Variants in CDC20B observed in about 807,000 individuals in gnomAD.
The protein encoded by CDC20B is cell division cycle protein 20 homolog B.
A neutral mutation model predicts 64.1 loss-of-function variants in CDC20B; 58 were observed. That is an observed-to-expected ratio of 0.90 (90% confidence interval 0.73 to 1.13). The LOEUF is 1.13. Ranked by LOEUF, CDC20B falls within the 50% of genes most tolerant of loss-of-function variation. CDC20B has a pLI of 0.00. For missense variants in CDC20B, 597 were observed against 633.0 expected, an observed-to-expected ratio of 0.94 and a Z score of 0.61; for synonymous variants, 243 against 230.6, an observed-to-expected ratio of 1.05 and a Z score of -0.49.
chr5:55,162,221 C>A (rs550564541), intron 2 of CDC20B, among the ~76,000 whole-genome samples: 1 of 151,852 alleles, frequency 6.6e-6, no homozygotes, highest in South Asian at 2.1e-4. Flanking sequence ...TATGGTGAAA[C>A]CCCATCTCTA....
At chr5:55,144,142 C>G (rs1047293630) in intron 3 of CDC20B, among the ~76,000 whole-genome samples, 1 of 152,188 alleles carries the variant, frequency 6.6e-6, no homozygotes, top group Admixed American at 6.5e-5. Flanking sequence ...GCTTTGCCAG[C>G]ATTGACATTC....
chr5:55,124,426 G>T (rs779419262), intron 9 of CDC20B, among the ~76,000 whole-genome samples: 5 of 152,110 alleles, frequency 3.3e-5, no homozygotes, highest in Non-Finnish European at 7.4e-5. Context: ...AAGTCTGAAG[G>T]AAGAATGAAA....
chr5:55,172,994 A>G lies in CDC20B; in HGVS notation c.7T>C (p.Trp3Arg), dbSNP rs775546506. 3 of 1,610,256 alleles carry G rather than the reference A, an allele frequency of 1.9e-6. No individual in the cohort carries two copies. The South Asian group carries it at 3.3e-5, about 18-fold the overall frequency. ...CGAGGCGCGGTGCGCTCCAGTTTCC[A>G]CTCCATCTCCGGCTGACTTCGCCCT... ME[W>R]KLERTAPRRV... Residue 3 changes from tryptophan to arginine, a missense_variant, in exon 1 of 12, where the codon TGG (tryptophan) becomes CGG (arginine). Trp to Arg is a moderately radical substitution (Grantham distance 101, BLOSUM62 -3). This residue lies in a region of CDC20B where 241 missense variants were observed against 219.2 expected (regional missense o/e 1.10). Transcript: ENST00000381375.
chr5:55,114,223 A>G lies in CDC20B; in HGVS notation c.1555T>C (p.Tyr519His), dbSNP rs1376701605. The stretch of plus-strand genomic sequence containing the variant: ...AAACCTAGAGGGGCTGGGTGCTAGT[A>G]GCAATTCCATACAGAGGCCGTCCCA... ...ADGTASVWNC[Y>H] The change falls in exon 12 of 12, where the codon TAC becomes CAC. Residue 519 changes from tyrosine (Y) to histidine (H), a missense_variant. Coordinates refer to ENST00000381375, the MANE Select transcript of CDC20B (RefSeq NM_001170402.1). This position sits in a 1 kb window ranked among gnomAD's most constrained non-coding sequence, Gnocchi z 4.1. The G allele has an allele frequency of 6.2e-7, 1 of 1,613,466 alleles. No individual in the cohort carries two copies. The highest frequency in any genetic ancestry group is 8.5e-7 in the Non-Finnish European group (1 of 1,179,704).
intron 11 of CDC20B, among the ~76,000 whole-genome samples, chr5:55,118,734 A>C (rs993910614): frequency 2.0e-5 from 3 of 152,206 alleles, no homozygotes; most frequent in Non-Finnish European, 2.9e-5. Context: ...AGTTCCCTGT[A>C]TTCTGATCCA....
At chr5:55,160,236 G>C (rs370409177) in intron 2 of CDC20B, 5 of 1,614,020 alleles carry the variant, frequency 3.1e-6, no homozygotes, top group African/African-American at 2.7e-5. Context: ...TCCGGGCCCA[G>C]AGCAAAGGTA....
intron 2 of CDC20B, among the ~76,000 whole-genome samples, chr5:55,153,593 G>A (rs937973790): frequency 1.6e-5 from 2 of 125,754 alleles, no homozygotes; most frequent in Admixed American, 1.7e-4. Flanking sequence ...ACGTTAGCCT[G>A]AATAAATCCC....
In CDC20B at chr5:55,114,532, T is replaced by A. The variant is rs370604635; in HGVS notation, c.1460-214A>T. ...TTTTCTCCCTCAGTGCTCTTGCCCCTGTATCAGTGTCCTGTGGCTGCCATA... is the reference window on the plus strand; with the variant it reads ...TTTTCTCCCTCAGTGCTCTTGCCCCAGTATCAGTGTCCTGTGGCTGCCATA... On this transcript the variant is annotated intron_variant, in intron 11 of 11. Coordinates refer to ENST00000381375, the MANE Select transcript of CDC20B (RefSeq NM_001170402.1). This position sits in a 1 kb window ranked among gnomAD's most constrained non-coding sequence, Gnocchi z 4.1. Among the ~76,000 whole-genome samples, 38 of 152,324 alleles carry A rather than the reference T, an allele frequency of 2.5e-4. No homozygotes were observed. In the East Asian group the frequency reaches 6.9e-3, roughly 28 times the overall value.
rs1352760142 is a variant in CDC20B, at chr5:55,120,690, G to A, written c.1216-140C>T. 4 of 917,850 alleles carry A rather than the reference G, an allele frequency of 4.4e-6. No homozygotes were observed. The East Asian group carries it at 8.0e-5, about 18-fold the overall frequency. The allele number at this position is 917,850 out of a possible 1,614,324, so 56.9% of individuals were successfully genotyped here. ...CTGGGCCTGCTATCTAAAGGCAGGA[G>A]CAACTGCACCCTCCAGAGATTATTC... On this transcript the variant is annotated intron_variant, in intron 9 of 11. Transcript: ENST00000381375.
chr5:55,136,287 C>G (rs576205921), intron 5 of CDC20B, among the ~76,000 whole-genome samples: 1 of 151,578 alleles, frequency 6.6e-6, no homozygotes, highest in African/African-American at 2.4e-5. Flanking sequence ...ACGGCAGGTG[C>G]AGTGGTTCAC....
At chr5:55,119,999 G>T (rs538694671) in intron 10 of CDC20B, 81 bp from the exon 11 acceptor site, 29 of 1,016,862 alleles carry the variant, frequency 2.9e-5, no homozygotes, top group Middle Eastern at 4.2e-4. Flanking sequence ...CAGGCAGTAT[G>T]CACTGTCCAT....
In CDC20B at chr5:55,162,756, G is replaced by A. The variant is rs979533363; in HGVS notation, c.126+9832C>T. ...TTCTTCAGTTACAGCAGCCAGATACGTGGGTGCAATAGCTCATAGGTTATT... is the reference window on the plus strand; with the variant it reads ...TTCTTCAGTTACAGCAGCCAGATACATGGGTGCAATAGCTCATAGGTTATT... On this transcript the variant is annotated intron_variant, in intron 2 of 11. Coordinates refer to ENST00000381375, the MANE Select transcript of CDC20B (RefSeq NM_001170402.1). Among the ~76,000 whole-genome samples the A allele has an allele frequency of 1.2e-4, 18 of 152,208 alleles. No individual in the cohort carries two copies. In the East Asian group the frequency reaches 2.9e-3, roughly 24 times the overall value.
chr5:55,133,206 C>T (rs550856318), intron 6 of CDC20B, among the ~76,000 whole-genome samples: 14 of 152,220 alleles, frequency 9.2e-5, no homozygotes, highest in African/African-American at 3.4e-4. Context: ...GTATATTTCC[C>T]ACACCATGCC....
chr5:55,168,595 C>T (rs1480575664), intron 2 of CDC20B, among the ~76,000 whole-genome samples: 2 of 151,874 alleles, frequency 1.3e-5, no homozygotes, highest in Non-Finnish European at 2.9e-5. Context: ...CTCATCATCT[C>T]GATAATATGA....
chr5:55,146,107 G>A (rs1743466316), intron 3 of CDC20B, among the ~76,000 whole-genome samples: 1 of 152,096 alleles, frequency 6.6e-6, no homozygotes, highest in African/African-American at 2.4e-5. Flanking sequence ...AATTTTGCCT[G>A]AGGATGTAGG....
intron 5 of CDC20B, 38 bp downstream of exon 5, chr5:55,140,276 G>A (rs755607697): frequency 4.1e-6 from 5 of 1,210,698 alleles, no homozygotes; most frequent in Non-Finnish European, 4.7e-6. Context: ...CAGAGAGAGA[G>A]GAGCGCAGGA....
intron 8 of CDC20B, among the ~76,000 whole-genome samples, chr5:55,126,682 A>T (rs1418250770): frequency 6.6e-6 from 1 of 152,208 alleles, no homozygotes; most frequent in Non-Finnish European, 1.5e-5. Flanking sequence ...TATCATCAGC[A>T]TCACTTGGGA....
At chr5:55,121,149 A>G (rs1433789539) in intron 9 of CDC20B, among the ~76,000 whole-genome samples, 1 of 152,190 alleles carries the variant, frequency 6.6e-6, no homozygotes, top group African/African-American at 2.4e-5. Flanking sequence ...ACTAATAATA[A>G]TCACTTTAAA....
rs753750257 is a variant in CDC20B, at chr5:55,128,413, G to T, written c.894+8C>A. The T allele has an allele frequency of 1.3e-6, 2 of 1,581,176 alleles. No individual in the cohort carries two copies. The highest frequency in any genetic ancestry group is 2.8e-5 in the African/African-American group (2 of 72,334). On this transcript the variant is annotated splice_region_variant and intron_variant, in intron 7 of 11. Coordinates refer to ENST00000381375, the MANE Select transcript of CDC20B (RefSeq NM_001170402.1). ...AACATGATGAGAAAAAAAAAAACTGGCCAGTACTTGCACTTCTCCCTCGCT... is the reference window on the plus strand; with the variant it reads ...AACATGATGAGAAAAAAAAAAACTGTCCAGTACTTGCACTTCTCCCTCGCT...
Sources: gnomAD v4.1 joint callset for allele counts (sites outside exome capture counted in the v4.1 genomes callset) on GRCh38, gnomAD v4.1.1 for gene constraint, gnomAD v4.1.1 regional missense constraint, Gnocchi (gnomAD v3.1) non-coding constraint, MANE v1.5 for transcripts, NCBI Gene and HGNC (gene_info 2026-07-23, HGNC 2026-07-21) for gene names.